The following CYTH3 variants were observed in gnomAD, a reference collection of about 807,000 sequenced individuals.
CYTH3 encodes cytohesin 3.
A neutral mutation model predicts 55.1 loss-of-function variants in CYTH3; 23 were observed. The ratio of observed to expected loss-of-function variants is 0.42; its 90% CI spans 0.30 to 0.59. The LOEUF is 0.59. CYTH3 is among the 20% of genes least tolerant of loss of function. The probability of loss-of-function intolerance (pLI) is 0.20; values close to 1 mark genes in which losing one functional copy is unlikely to be tolerated. For synonymous variants in CYTH3, 249 were observed against 194.9 expected (o/e 1.28, Z -2.31); for missense variants, 413 against 524.8 (o/e 0.79, Z 2.08).
At chr7:6,233,140 G>T (rs539888249) in intron 1 of CYTH3, among the ~76,000 whole-genome samples, 2 of 152,204 alleles carry the variant, frequency 1.3e-5, no homozygotes, top group African/African-American at 4.8e-5. Context: ...CTCTGAAGTT[G>T]CTTTCTCAAC....
At chr7:6,238,012 A>G (rs1562404231) in intron 1 of CYTH3, among the ~76,000 whole-genome samples, 1 of 152,220 alleles carries the variant, frequency 6.6e-6, no homozygotes, top group East Asian at 1.9e-4. Flanking sequence ...AGGTAAAGAT[A>G]CCAGGGTCCC....
chr7:6,245,443 C>G (rs1034897582), intron 1 of CYTH3, among the ~76,000 whole-genome samples: 1 of 152,154 alleles, frequency 6.6e-6, no homozygotes, highest in Non-Finnish European at 1.5e-5. Flanking sequence ...TCACACTGCT[C>G]TCTACTTTCT....
At chr7:6,215,921 C>A (rs185013405) in intron 1 of CYTH3, among the ~76,000 whole-genome samples, 4 of 152,306 alleles carry the variant, frequency 2.6e-5, no homozygotes, top group Non-Finnish European at 5.9e-5. Flanking sequence ...AAAGAACTGT[C>A]AACCCTGAAT....
At chr7:6,181,799 G>A (rs1783510300) in intron 4 of CYTH3, among the ~76,000 whole-genome samples, 1 of 152,106 alleles carries the variant, frequency 6.6e-6, no homozygotes, top group Non-Finnish European at 1.5e-5. Flanking sequence ...CTGCAAAACT[G>A]AATAAAGAAT....
intron 1 of CYTH3, among the ~76,000 whole-genome samples, chr7:6,269,045 C>A (rs1780582646): frequency 6.6e-6 from 1 of 152,100 alleles, no homozygotes; most frequent in Admixed American, 6.6e-5. Flanking sequence ...CTGAGGCAGG[C>A]CTAAGGGAAA....
intron 1 of CYTH3, among the ~76,000 whole-genome samples, chr7:6,258,225 A>G (rs1034692771): frequency 6.6e-6 from 1 of 150,768 alleles, no homozygotes; most frequent in Non-Finnish European, 1.5e-5. Context: ...AGGTGGGGGG[A>G]TCACTGGAGC....
At chr7:6,227,077 C>CT (rs1227282062) in intron 1 of CYTH3, among the ~76,000 whole-genome samples, 1 of 120,714 alleles carries the variant, frequency 8.3e-6, no homozygotes, top group African/African-American at 4.1e-5. Flanking sequence ...AAGACTCTGT[C>CT]TAAAAAAAAA....
At chr7:6,195,429 G>C (rs527975068) in intron 1 of CYTH3, among the ~76,000 whole-genome samples, 1 of 152,024 alleles carries the variant, frequency 6.6e-6, no homozygotes, top group Admixed American at 6.6e-5. Flanking sequence ...TCTAAGTGTC[G>C]ATAAATTCCA....
At chr7:6,227,872 C>T (rs780892428) in intron 1 of CYTH3, among the ~76,000 whole-genome samples, 7 of 152,112 alleles carry the variant, frequency 4.6e-5, no homozygotes, top group South Asian at 2.1e-4. Context: ...TACTGGACCT[C>T]GGCTGAACCA....
Position 6,171,265 on chromosome 7 carries a change from G to A in CYTH3, c.499C>T (p.Arg167Cys). Reference sequence around the variant, plus strand: ...CGAGAAGCGAAAGCCTCCATCATGCGATCAATCTTCTGCGCCTCCCCGGGC... The same window carrying A: ...CGAGAAGCGAAAGCCTCCATCATGCAATCAATCTTCTGCGCCTCCCCGGGC... ...RLPGEAQKIDRMMEAFASRYC... is the reference protein window; with the variant it reads ...RLPGEAQKIDCMMEAFASRYC... The change falls in exon 7 of 13, where the codon CGC becomes TGC. Residue 167 changes from arginine (R) to cysteine (C), a missense_variant. By Grantham distance (180) the Arg-to-Cys change is radical. Transcript: ENST00000350796. This position sits in a 1 kb window ranked among gnomAD's most constrained non-coding sequence, Gnocchi z 6.7. 6.2e-7 allele frequency: 1 copy of A among 1,614,188 alleles called. No individual in the cohort carries two copies.
chr7:6,236,764 T>G (rs766495116), intron 1 of CYTH3, among the ~76,000 whole-genome samples: 1 of 152,086 alleles, frequency 6.6e-6, no homozygotes, highest in African/African-American at 2.4e-5. Context: ...AGTTTCACCA[T>G]GTTGGCTAGG....
Position 6,268,605 on chromosome 7 carries a change from A to G in CYTH3, c.34+3869T>C, listed in dbSNP as rs188812544. ...TATCTGATAAGTCTCTTGCTTGCTG[A>G]TGGACACTCAAGGCAATAAATAATC... On this transcript the variant is annotated intron_variant, in intron 1 of 12. Coordinates refer to ENST00000350796, the MANE Select transcript of CYTH3 (RefSeq NM_004227.4). 2.3e-3 allele frequency among the ~76,000 whole-genome samples: 347 copies of G among 152,330 alleles called. 1 individual carries two copies. The highest frequency in any genetic ancestry group is 8.1e-3 in the African/African-American group (338 of 41,564).
chr7:6,259,741 ATAATATATATATATAT>A (rs1780231508), intron 1 of CYTH3, among the ~76,000 whole-genome samples: 1 of 42,942 alleles, frequency 2.3e-5, no homozygotes, highest in African/African-American at 1.2e-4. Flanking sequence ...ATACATATAT[ATAATATATATATATAT>A]TATATATATA....
chr7:6,248,306 G>T (rs1339774713), intron 1 of CYTH3, among the ~76,000 whole-genome samples: 1 of 151,452 alleles, frequency 6.6e-6, no homozygotes, highest in Non-Finnish European at 1.5e-5. Flanking sequence ...ACGTTGGTGG[G>T]TTTTTATTGT....
At chr7:6,168,574 G>A (rs888289972) in intron 9 of CYTH3, among the ~76,000 whole-genome samples, 1 of 152,118 alleles carries the variant, frequency 6.6e-6, no homozygotes, top group African/African-American at 2.4e-5. Flanking sequence ...AGAGCAGCAG[G>A]TGCTCACCGG....
At chr7:6,219,344 A>G (rs1784495349) in intron 1 of CYTH3, among the ~76,000 whole-genome samples, 1 of 152,244 alleles carries the variant, frequency 6.6e-6, no homozygotes, top group South Asian at 2.1e-4. Context: ...AGTAAAATGC[A>G]GAAGAGAGAA....
chr7:6,195,808 C>T (rs1783910066), intron 1 of CYTH3, among the ~76,000 whole-genome samples: 1 of 152,162 alleles, frequency 6.6e-6, no homozygotes, highest in African/African-American at 2.4e-5. Flanking sequence ...TCTAATGATT[C>T]TTTCCCAGGA....
At chr7:6,230,185 G>A (rs1001400743) in intron 1 of CYTH3, among the ~76,000 whole-genome samples, 1 of 152,136 alleles carries the variant, frequency 6.6e-6, no homozygotes, top group Non-Finnish European at 1.5e-5. Flanking sequence ...TCAACTCAAG[G>A]ATGGTTGTGA....
At chr7:6,263,513 A>C (rs930338108) in intron 1 of CYTH3, among the ~76,000 whole-genome samples, 2 of 152,194 alleles carry the variant, frequency 1.3e-5, no homozygotes, top group Non-Finnish European at 2.9e-5. Context: ...AGTTGAACAC[A>C]GGGCTAGGCC....
Sources: gnomAD v4.1 joint callset for allele counts (sites outside exome capture counted in the v4.1 genomes callset) on GRCh38, gnomAD v4.1.1 for gene constraint, Gnocchi (gnomAD v3.1) non-coding constraint, MANE v1.5 for transcripts, NCBI Gene and HGNC (gene_info 2026-07-23, HGNC 2026-07-21) for gene names.